Variants in LRP2 observed in about 807,000 individuals in gnomAD.
LRP2 encodes the protein low-density lipoprotein receptor-related protein 2.
In LRP2, 172 loss-of-function variants were observed where a neutral mutation model predicts 531.0. The observed-to-expected ratio is 0.32, with a 90% confidence interval of 0.29 to 0.37. The LOEUF (loss-of-function observed/expected upper bound fraction) is 0.37, where lower values mean the gene tolerates loss of function less well. Among genes scored for constraint, LRP2 ranks in the 10% least tolerant of loss-of-function variants. The pLI, the probability that LRP2 is intolerant of heterozygous loss-of-function variation, is 1.00. For missense variants in LRP2, 5,167 were observed against 5,868.3 expected (o/e 0.88, Z 3.90); for synonymous variants, 1,992 against 2,027.6 (o/e 0.98, Z 0.47).
intron 3 of LRP2, among the ~76,000 whole-genome samples, chr2:169,318,555 T>G (rs1031191992): frequency 6.6e-6 from 1 of 152,194 alleles, no homozygotes; most frequent in Non-Finnish European, 1.5e-5. Flanking sequence ...ACTTCCAAAT[T>G]GCTGGGGTAT....
chr2:169,233,761 T>C (rs1172419373), intron 29 of LRP2, among the ~76,000 whole-genome samples, 173 bp from the exon 30 acceptor site: 1 of 152,248 alleles, frequency 6.6e-6, no homozygotes, highest in Non-Finnish European at 1.5e-5. Flanking sequence ...ATTCGTCCTA[T>C]ATCCCACTAA....
At chr2:169,232,288 T>G (rs908697553) in intron 30 of LRP2, among the ~76,000 whole-genome samples, 1 of 152,140 alleles carries the variant, frequency 6.6e-6, no homozygotes, top group African/African-American at 2.4e-5. Flanking sequence ...TAGATAATAA[T>G]CTTTTATTTT....
chr2:169,242,524 A>G (rs1251296287), intron 24 of LRP2, among the ~76,000 whole-genome samples: 1 of 151,622 alleles, frequency 6.6e-6, no homozygotes, highest in East Asian at 1.9e-4. Context: ...ATAATAGCAC[A>G]AAGAATGAAT....
intron 14 of LRP2, among the ~76,000 whole-genome samples, chr2:169,274,147 A>G (rs1683492583): frequency 6.6e-6 from 1 of 152,250 alleles, no homozygotes; most frequent in East Asian, 1.9e-4. Flanking sequence ...CCTCTAAATT[A>G]TTGCTCACCA....
chr2:169,351,873 C>T (rs537349346), intron 1 of LRP2, among the ~76,000 whole-genome samples: 10 of 152,082 alleles, frequency 6.6e-5, no homozygotes, highest in African/African-American at 2.2e-4. Context: ...AGCTGCTGAG[C>T]GCGTATGTAT....
chr2:169,335,194 A>G (rs1267420198), intron 1 of LRP2, among the ~76,000 whole-genome samples: 1 of 152,134 alleles, frequency 6.6e-6, no homozygotes, highest in Non-Finnish European at 1.5e-5. Flanking sequence ...TTTCTTGTTT[A>G]TATATTTTTG....
intron 12 of LRP2, 28 bp downstream of exon 12, chr2:169,279,344 G>A: frequency 6.6e-7 from 1 of 1,523,574 alleles, no homozygotes; most frequent in Non-Finnish European, 9.1e-7. Flanking sequence ...TAAAAATACA[G>A]GAATCAATAT....
chr2:169,203,025 A>G, intron 42 of LRP2, 66 bp from the exon 43 acceptor site: 2 of 1,314,984 alleles, frequency 1.5e-6, no homozygotes, highest in East Asian at 2.3e-5. Flanking sequence ...TGACCCCTCC[A>G]CAATAGCACT....
intron 70 of LRP2, 120 bp downstream of exon 70, chr2:169,145,627 T>C: frequency 1.0e-6 from 1 of 985,954 alleles, no homozygotes; most frequent in Non-Finnish European, 1.6e-6. Flanking sequence ...CATATACCCC[T>C]TTCATGCACC....
chr2:169,282,238 A>G (rs929744355), intron 10 of LRP2, among the ~76,000 whole-genome samples: 3 of 152,218 alleles, frequency 2.0e-5, no homozygotes, highest in African/African-American at 7.2e-5. Flanking sequence ...TTAAATAACT[A>G]TTGGAAAATA....
At chr2:169,293,434 G>A (rs1262063899) in intron 6 of LRP2, among the ~76,000 whole-genome samples, 1 of 152,170 alleles carries the variant, frequency 6.6e-6, no homozygotes, top group East Asian at 1.9e-4. Context: ...CCAGCACTTT[G>A]GGAGGCCGAG....
chr2:169,248,364 A>G (rs1424180723), intron 19 of LRP2, among the ~76,000 whole-genome samples: 1 of 152,174 alleles, frequency 6.6e-6, no homozygotes, highest in Non-Finnish European at 1.5e-5. Context: ...TATTTGACCA[A>G]TTTCCTTATC....
At chr2:169,152,716 C>G (rs1233575989) in intron 67 of LRP2, 83 bp downstream of exon 67, 5 of 1,489,632 alleles carry the variant, frequency 3.4e-6, no homozygotes, top group Non-Finnish European at 4.7e-6. Flanking sequence ...CAGGCCCAGA[C>G]TCACTCATGG....
chr2:169,292,525 A>AT (rs67836412), intron 6 of LRP2, among the ~76,000 whole-genome samples, 156 bp from the exon 7 acceptor site: 5 of 122,868 alleles, frequency 4.1e-5, no homozygotes, highest in African/African-American at 1.1e-4. Flanking sequence ...AAAAAGGAGG[A>AT]AAAAAAAGAG....
At chr2:169,265,136 C>T (rs560292192) in intron 16 of LRP2, among the ~76,000 whole-genome samples, 5 of 150,956 alleles carry the variant, frequency 3.3e-5, no homozygotes, top group Admixed American at 6.6e-5. Flanking sequence ...TCCCCTTACT[C>T]CAAGAAGGAG....
At chr2:169,339,475 CT>C (rs976974579) in intron 1 of LRP2, among the ~76,000 whole-genome samples, 1 of 152,082 alleles carries the variant, frequency 6.6e-6, no homozygotes, top group Non-Finnish European at 1.5e-5. Flanking sequence ...TAAATTAACT[CT>C]TTGCTAAATT....
At chr2:169,293,629 C>G (rs183042990) in intron 6 of LRP2, among the ~76,000 whole-genome samples, 1 of 152,102 alleles carries the variant, frequency 6.6e-6, no homozygotes, top group Non-Finnish European at 1.5e-5. Flanking sequence ...AAGCCGAGAT[C>G]GCGCCACTGT....
intron 13 of LRP2, among the ~76,000 whole-genome samples, chr2:169,276,343 A>G (rs778444703): frequency 1.3e-5 from 2 of 151,984 alleles, no homozygotes; most frequent in Non-Finnish European, 2.9e-5. Flanking sequence ...CCAGCAAACC[A>G]CTCAAATCTT....
chr2:169,327,793 T>G (rs1448812752), intron 1 of LRP2, among the ~76,000 whole-genome samples: 19 of 58,748 alleles, frequency 3.2e-4, no homozygotes, highest in East Asian at 1.2e-3. Flanking sequence ...CCGCCCCGTC[T>G]GGGAGGTGAG....
Sources: allele counts gnomAD v4.1 joint callset (sites outside exome capture counted in the v4.1 genomes callset), GRCh38; gene constraint gnomAD v4.1.1; transcripts MANE v1.5; gene names NCBI Gene and HGNC (gene_info 2026-07-23, HGNC 2026-07-21).